The following BRWD3 variants were observed in gnomAD, a reference collection of about 807,000 sequenced individuals.
BRWD3 encodes bromodomain and WD repeat domain containing 3.
A neutral mutation model predicts 149.7 loss-of-function variants in BRWD3; 10 were observed. The observed-to-expected ratio is 0.07, with a 90% CI of 0.04 to 0.11. The LOEUF (loss-of-function observed/expected upper bound fraction) is 0.11, where lower values mean the gene tolerates loss of function less well. BRWD3 is among the 10% of genes least tolerant of loss of function. The pLI is 1.00. For missense variants in BRWD3, 940 were observed against 1,373.2 expected, an observed-to-expected ratio of 0.68 and a Z score of 4.99; for synonymous variants, 504 against 456.7, an observed-to-expected ratio of 1.10 and a Z score of -1.32.
chrX:80,797,394 C>T (rs1435247662), intron 4 of BRWD3, among the ~76,000 whole-genome samples: 1 of 111,348 alleles, frequency 9.0e-6, no homozygotes. Context: ...AAAAACTTCA[C>T]TTAACTACCC....
At chrX:80,795,424 CAT>C (rs771992989) in intron 4 of BRWD3, among the ~76,000 whole-genome samples, 1 of 108,703 alleles carries the variant, frequency 9.2e-6, no homozygotes, top group African/African-American at 3.4e-5. Context: ...GGTATATACA[CAT>C]ATGTATATAT....
At chrX:80,698,773 A>G (rs2072739621) in intron 25 of BRWD3, among the ~76,000 whole-genome samples, 2 of 110,470 alleles carry the variant, frequency 1.8e-5, no homozygotes, top group Non-Finnish European at 1.9e-5. Flanking sequence ...AAAAGATTCA[A>G]CTTTTACTTG....
chrX:80,743,087 TGA>T (rs1321966776), intron 8 of BRWD3, among the ~76,000 whole-genome samples: 2 of 111,977 alleles, frequency 1.8e-5, no homozygotes, highest in African/African-American at 6.5e-5. Flanking sequence ...CCTAATTTAT[TGA>T]GAGTTTTTAG....
Position 80,672,254 on chromosome X carries a change from A to C in BRWD3, c.*4355T>G, listed in dbSNP as rs1006852685. 1 of 109,447 alleles carries C rather than the reference A, an allele frequency of 9.1e-6. No individual in the cohort carries two copies. The highest frequency in any genetic ancestry group is 1.9e-5 in the Non-Finnish European group (1 of 52,647). The allele number at this position is 109,447 out of a possible 1,213,427, so 9.0% of individuals were successfully genotyped here. A position where few individuals can be genotyped will look rare whatever the true frequency, so the allele number is the denominator to read the frequency against. On this transcript the variant is annotated 3_prime_UTR_variant, in exon 41 of 41. Coordinates refer to ENST00000373275, the MANE Select transcript of BRWD3 (RefSeq NM_153252.5). ...AAATTAGGTGCAGTTTTCATGGCAG[A>C]AAGAAAAGTGAGGATAAAAGTAAGC...
At chrX:80,760,143 C>G (rs959697000) in intron 6 of BRWD3, among the ~76,000 whole-genome samples, 2 of 111,711 alleles carry the variant, frequency 1.8e-5, no homozygotes, top group Non-Finnish European at 3.8e-5. Flanking sequence ...TCTGCTGAAC[C>G]CTTAATGTTT....
At chrX:80,693,485 G>A (rs1052352360) in intron 27 of BRWD3, among the ~76,000 whole-genome samples, 5 of 111,985 alleles carry the variant, frequency 4.5e-5, no homozygotes, top group African/African-American at 6.5e-5. Context: ...GGAAAGTCTG[G>A]AACTTCCTAG....
intron 40 of BRWD3, 42 bp from the exon 41 acceptor site, chrX:80,677,405 T>C (rs774987984): frequency 2.6e-6 from 3 of 1,172,731 alleles, no homozygotes; most frequent in Admixed American, 5.1e-5. Context: ...AGCTTTGACA[T>C]TGACAAAATG....
intron 40 of BRWD3, among the ~76,000 whole-genome samples, chrX:80,680,724 T>C (rs1398544779): frequency 4.5e-5 from 5 of 111,471 alleles, no homozygotes; most frequent in Non-Finnish European, 7.5e-5. Flanking sequence ...CTTATTAATA[T>C]GAAAAATATG....
intron 6 of BRWD3, among the ~76,000 whole-genome samples, chrX:80,778,414 A>G (rs969609330): frequency 5.4e-5 from 6 of 111,815 alleles, no homozygotes; most frequent in Non-Finnish European, 9.4e-5. Flanking sequence ...GGATGAAGCA[A>G]GGAGAGGAGT....
rs186463689 is a variant in BRWD3, at chrX:80,711,459, T to C, written c.2326-1882A>G. ...CAAAATATTTTAACCGCAAATATGT[T>C]TCTGTCATATCTTGAAATAGCCCTG... On this transcript the variant is annotated intron_variant, in intron 20 of 40. Transcript: ENST00000373275. Among the ~76,000 whole-genome samples the C allele has an allele frequency of 2.7e-4, 30 of 112,420 alleles. 2 individuals carry two copies. The Admixed American group carries it at 2.7e-3, about 10-fold the overall frequency.
At chrX:80,764,875 C>T (rs762823238) in intron 6 of BRWD3, among the ~76,000 whole-genome samples, 1 of 111,185 alleles carries the variant, frequency 9.0e-6, no homozygotes, top group Non-Finnish European at 1.9e-5. Flanking sequence ...AGACACTTCA[C>T]CAAAAAGGAT....
At chrX:80,752,052 G>A (rs1055520527) in intron 6 of BRWD3, among the ~76,000 whole-genome samples, 4 of 103,239 alleles carry the variant, frequency 3.9e-5, no homozygotes, top group East Asian at 6.1e-4. Context: ...TTGCTTTGTC[G>A]CCCAGGCTGG....
intron 6 of BRWD3, among the ~76,000 whole-genome samples, chrX:80,773,960 A>C (rs755914991): frequency 1.8e-5 from 2 of 112,347 alleles, no homozygotes; most frequent in East Asian, 5.6e-4. Flanking sequence ...CACTTTGGAA[A>C]ATGCTTTACA....
chrX:80,793,421 C>CTA (rs2074204639), intron 5 of BRWD3, among the ~76,000 whole-genome samples: 1 of 109,958 alleles, frequency 9.1e-6, no homozygotes, highest in South Asian at 3.8e-4. Flanking sequence ...TATTCTTTAC[C>CTA]TATATATATT....
chrX:80,711,946 CTG>C (rs1305935468), intron 20 of BRWD3, among the ~76,000 whole-genome samples: 1 of 111,886 alleles, frequency 8.9e-6, no homozygotes, highest in Non-Finnish European at 1.9e-5. Flanking sequence ...CTTCTTGAGA[CTG>C]TGCATCCAGT....
chrX:80,807,150 G>C (rs1467741281), intron 4 of BRWD3, among the ~76,000 whole-genome samples: 2 of 111,667 alleles, frequency 1.8e-5, no homozygotes, highest in African/African-American at 6.5e-5. Context: ...TAGGGGGAGG[G>C]AAAGACTTAA....
At chrX:80,696,045 T>A (rs2072686918) in intron 26 of BRWD3, 55 bp from the exon 27 acceptor site, 3 of 1,003,380 alleles carry the variant, frequency 3.0e-6, no homozygotes, top group Non-Finnish European at 4.2e-6. Flanking sequence ...CAATATATGT[T>A]ACTAAATGTC....
intron 6 of BRWD3, among the ~76,000 whole-genome samples, chrX:80,753,484 T>C (rs1039694253): frequency 9.0e-6 from 1 of 110,520 alleles, no homozygotes; most frequent in Non-Finnish European, 1.9e-5. Context: ...TTGGGCAGGC[T>C]GGTCTTGAAC....
intron 16 of BRWD3, 30 bp downstream of exon 16, chrX:80,723,718 T>C: frequency 1.7e-6 from 2 of 1,206,330 alleles, no homozygotes; most frequent in South Asian, 1.8e-5. Flanking sequence ...TCCTAAATTA[T>C]ACTCTACAGC....
Sources: gnomAD v4.1 joint callset for allele counts (sites outside exome capture counted in the v4.1 genomes callset) on GRCh38, gnomAD v4.1.1 for gene constraint, MANE v1.5 for transcripts, NCBI Gene and HGNC (gene_info 2026-07-23, HGNC 2026-07-21) for gene names.